Variants in ALPK2 observed in about 807,000 individuals in gnomAD.
The protein encoded by ALPK2 is alpha-protein kinase 2.
ALPK2 carries 127 observed loss-of-function variants against 163.1 expected under a neutral mutation model. The observed-to-expected ratio is 0.78, with a 90% CI of 0.67 to 0.90. The LOEUF is 0.90. ALPK2 is among the 40% of genes least tolerant of loss of function. The pLI, the probability that ALPK2 is intolerant of heterozygous loss-of-function variation, is 0.00. For synonymous variants in ALPK2, 953 were observed against 959.1 expected (o/e 0.99, Z 0.12); for missense variants, 2,360 against 2,589.6 (o/e 0.91, Z 1.92).
chr18:58,518,914 G>A (rs1346356585), intron 8 of ALPK2, among the ~76,000 whole-genome samples: 1 of 152,196 alleles, frequency 6.6e-6, no homozygotes, highest in African/African-American at 2.4e-5. Context: ...CACTTCTGGA[G>A]TATCTCCCAT....
At chr18:58,549,832 G>A (rs1366905860) in intron 4 of ALPK2, among the ~76,000 whole-genome samples, 5 of 152,178 alleles carry the variant, frequency 3.3e-5, no homozygotes, top group African/African-American at 7.2e-5. Context: ...GCCCTGCATG[G>A]GTAGGTGGAA....
intron 4 of ALPK2, among the ~76,000 whole-genome samples, chr18:58,547,290 A>G (rs2051722299): frequency 6.6e-6 from 1 of 152,194 alleles, no homozygotes; most frequent in Admixed American, 6.5e-5. Flanking sequence ...ATTGTTAGGG[A>G]AAAGGATACA....
intron 12 of ALPK2, among the ~76,000 whole-genome samples, chr18:58,490,805 A>G (rs149187097): frequency 7.0e-4 from 107 of 152,274 alleles, no homozygotes; most frequent in Non-Finnish European, 1.3e-3. Context: ...CTCAACCAGG[A>G]GGTTCTGTGA....
Position 58,504,111 on chromosome 18 carries a change from T to C in ALPK2, c.6067A>G (p.Asn2023Asp). The change falls in exon 11 of 13, where the codon AAT (asparagine) becomes GAT (aspartate). Residue 2023 changes from asparagine (N) to aspartate (D), a missense_variant. Asn to Asp is a conservative substitution (Grantham distance 23). Transcript: ENST00000361673. Reference sequence around the variant, plus strand: ...TCCTCCACTGTAGCATACGGGATATTGTTCTCAGGCCGATGGATAAGAAAA... The same window carrying C: ...TCCTCCACTGTAGCATACGGGATATCGTTCTCAGGCCGATGGATAAGAAAA... ...PIFLIHRPEN[N>D]IPYATVEEEL... 5 of 1,614,196 alleles carry C rather than the reference T, an allele frequency of 3.1e-6. No homozygotes were observed. Among genetic ancestry groups the C allele is most frequent in the Non-Finnish European group, 4.2e-6 (5 of 1,180,028 alleles).
intron 4 of ALPK2, among the ~76,000 whole-genome samples, chr18:58,569,247 C>A (rs971845314): frequency 6.6e-6 from 1 of 152,168 alleles, no homozygotes; most frequent in Non-Finnish European, 1.5e-5. Context: ...TCAGCCAAGG[C>A]TCTCAACCTT....
At chr18:58,589,755 A>G (rs1174407415) in intron 3 of ALPK2, among the ~76,000 whole-genome samples, 4 of 152,204 alleles carry the variant, frequency 2.6e-5, no homozygotes, top group Non-Finnish European at 5.9e-5. Flanking sequence ...AAATAAAATC[A>G]GTAATCTTGT....
intron 4 of ALPK2, among the ~76,000 whole-genome samples, chr18:58,567,654 C>T (rs1034233364): frequency 6.6e-6 from 1 of 152,116 alleles, no homozygotes; most frequent in Non-Finnish European, 1.5e-5. Flanking sequence ...ATAACCAACA[C>T]GTGGCATTGG....
chr18:58,498,448 A>G (rs1265252742), intron 11 of ALPK2, among the ~76,000 whole-genome samples: 1 of 152,196 alleles, frequency 6.6e-6, no homozygotes, highest in Non-Finnish European at 1.5e-5. Flanking sequence ...CCCCAGAAAT[A>G]CGGTGACTTT....
intron 1 of ALPK2, among the ~76,000 whole-genome samples, chr18:58,623,758 C>T (rs188927934): frequency 9.8e-5 from 15 of 152,358 alleles, no homozygotes; most frequent in Non-Finnish European, 1.6e-4. Context: ...CTCACGCCAC[C>T]GTGCCTGGCT....
At chr18:58,619,873 T>C (rs1345620243) in intron 1 of ALPK2, among the ~76,000 whole-genome samples, 1 of 152,238 alleles carries the variant, frequency 6.6e-6, no homozygotes, top group Non-Finnish European at 1.5e-5. Context: ...TTATTCATAA[T>C]AGCCAAAAAT....
intron 11 of ALPK2, among the ~76,000 whole-genome samples, chr18:58,502,872 G>A (rs1270319739): frequency 1.3e-5 from 2 of 152,236 alleles, no homozygotes; most frequent in Admixed American, 1.3e-4. Context: ...CAGAGCAGCC[G>A]CCAGCTGGTG....
At chr18:58,610,950 C>T (rs551110430) in intron 2 of ALPK2, among the ~76,000 whole-genome samples, 5 of 152,034 alleles carry the variant, frequency 3.3e-5, no homozygotes, top group Admixed American at 6.5e-5. Context: ...AAAAATTAGC[C>T]GGGTGTAGTG....
Position 58,488,863 on chromosome 18 carries a change from G to A in ALPK2, c.6297-6824C>T, listed in dbSNP as rs369166677. Among the ~76,000 whole-genome samples, 12 of 152,178 alleles carry A rather than the reference G, an allele frequency of 7.9e-5. No homozygotes were observed. The East Asian group carries it at 1.6e-3, about 20-fold the overall frequency. On this transcript the variant is annotated intron_variant, in intron 12 of 12. Coordinates refer to ENST00000361673, the MANE Select transcript of ALPK2 (RefSeq NM_052947.4). ...ATTGTCACCTGCATGGAAAGGGAGG[G>A]ACATGGGGAGCCTTCCACCTGGAAA...
intron 6 of ALPK2, among the ~76,000 whole-genome samples, chr18:58,525,888 G>A (rs1284965031): frequency 6.8e-6 from 1 of 148,144 alleles, no homozygotes; most frequent in African/African-American, 2.5e-5. Context: ...AAACTACCTC[G>A]GAAGTCCCAA....
intron 11 of ALPK2, among the ~76,000 whole-genome samples, chr18:58,499,602 G>A (rs1270816374): frequency 6.6e-6 from 1 of 152,198 alleles, no homozygotes; most frequent in African/African-American, 2.4e-5. Flanking sequence ...CAACGCAGTG[G>A]ACCTCTGCCA....
chr18:58,536,292 T>C lies in ALPK2; in HGVS notation c.3895A>G (p.Ser1299Gly), dbSNP rs765365874. The C allele has an allele frequency of 4.3e-6, 7 of 1,614,218 alleles. No individual in the cohort carries two copies. In the South Asian group the frequency reaches 7.7e-5, roughly 18 times the overall value. Residue 1299 changes from serine to glycine, a missense_variant, in exon 5 of 13, where the codon AGT (serine) becomes GGT (glycine). Ser to Gly is a moderately conservative substitution (Grantham distance 56). Transcript: ENST00000361673. The part of the protein sequence containing the change: ...APSEIAALAH[S>G]PEDAESALAD... ...AGGGCTGACTCAGCATCCTCTGGACTGTGAGCCAATGCTGCTATTTCAGAG... is the reference window on the plus strand; with the variant it reads ...AGGGCTGACTCAGCATCCTCTGGACCGTGAGCCAATGCTGCTATTTCAGAG...
chr18:58,488,479 G>A (rs554899053), intron 12 of ALPK2, among the ~76,000 whole-genome samples: 4 of 135,586 alleles, frequency 3.0e-5, no homozygotes, highest in Admixed American at 1.6e-4. Context: ...ACAATGTATT[G>A]GCTCCAAACA....
chr18:58,580,078 T>C lies in ALPK2; in HGVS notation c.698A>G (p.Lys233Arg). The C allele has an allele frequency of 6.2e-7, 1 of 1,614,270 alleles. No individual in the cohort carries two copies. The highest frequency in any genetic ancestry group is 1.6e-4 in the Middle Eastern group (1 of 6,062). ...IYEKQDRCCH[K>R]TVHSMASKFT... ...CTTTGATGCCATGGAATGCACTGTC[T>C]TGTGGCAACATCTGTCTTGTTTTTC... is the stretch of plus-strand genomic sequence containing the variant. The change falls in exon 4 of 13, where the codon AAG (lysine) becomes AGG (arginine). Residue 233 changes from lysine (K) to arginine (R), a missense_variant. Coordinates refer to ENST00000361673, the MANE Select transcript of ALPK2 (RefSeq NM_052947.4).
chr18:58,490,149 T>A (rs976009034), intron 12 of ALPK2, among the ~76,000 whole-genome samples: 1 of 152,162 alleles, frequency 6.6e-6, no homozygotes, highest in African/African-American at 2.4e-5. Context: ...ACAACAGAAA[T>A]CTTGTTTCAC....
Sources: allele counts gnomAD v4.1 joint callset (sites outside exome capture counted in the v4.1 genomes callset), GRCh38; gene constraint gnomAD v4.1.1; transcripts MANE v1.5; gene names NCBI Gene and HGNC (gene_info 2026-07-23, HGNC 2026-07-21).